The following MEOX2 variants were observed in gnomAD, a reference collection of about 807,000 sequenced individuals.
MEOX2 encodes the protein mesenchyme homeobox 2.
MEOX2 carries 11 observed loss-of-function variants against 27.0 expected under a neutral mutation model. The observed-to-expected ratio is 0.41, with a 90% CI of 0.26 to 0.68. The LOEUF is 0.68. Among genes scored for constraint, MEOX2 ranks in the 30% least tolerant of loss-of-function variants. The pLI, the probability that MEOX2 is intolerant of heterozygous loss-of-function variation, is 0.33. For synonymous variants in MEOX2, 189 were observed against 155.4 expected (o/e 1.22, Z -1.61); for missense variants, 436 against 385.4 (o/e 1.13, Z -1.10).
In MEOX2 at chr7:15,612,279, A is replaced by T; in HGVS notation, c.*108T>A. On this transcript the variant is annotated 3_prime_UTR_variant, in exon 3 of 3. Coordinates refer to ENST00000262041, the MANE Select transcript of MEOX2 (RefSeq NM_005924.5). ...CAGATTCGAAATGCCTGGATTTAAT[A>T]ATATTAAACATCACTGCCATAGTCA... The T allele has an allele frequency of 1.1e-6, 1 of 879,366 alleles. No homozygotes were observed. Among genetic ancestry groups the T allele is most frequent in the East Asian group, 2.5e-5 (1 of 40,236 alleles). 54.5% of individuals were successfully genotyped at this position (879,366 alleles called of 1,614,324 possible). A position where few individuals can be genotyped will look rare whatever the true frequency, so the allele number is the denominator to read the frequency against.
intron 1 of MEOX2, chr7:15,682,114 G>A (rs1037605930): frequency 6.6e-6 from 1 of 151,510 alleles, no homozygotes; most frequent in Admixed American, 6.6e-5. Context: ...TAGTCTACCA[G>A]TCCAAGATAA....
intron 2 of MEOX2, among the ~76,000 whole-genome samples, chr7:15,620,562 A>G (rs1007061334): frequency 6.6e-6 from 1 of 152,066 alleles, no homozygotes; most frequent in Non-Finnish European, 1.5e-5. Context: ...GACAAACAAC[A>G]ACAACAACAA....
At chr7:15,671,796 C>A (rs915520396) in intron 1 of MEOX2, among the ~76,000 whole-genome samples, 4 of 152,102 alleles carry the variant, frequency 2.6e-5, no homozygotes, top group Non-Finnish European at 4.4e-5. Flanking sequence ...ATGGCTCACA[C>A]CTGTAATCCC....
intron 1 of MEOX2, among the ~76,000 whole-genome samples, chr7:15,641,643 G>T (rs967634299): frequency 2.6e-5 from 4 of 152,206 alleles, no homozygotes; most frequent in Non-Finnish European, 5.9e-5. Flanking sequence ...GGGAGGTTTT[G>T]TTCCTCTAAT....
chr7:15,678,703 A>T (rs1189171364), intron 1 of MEOX2, among the ~76,000 whole-genome samples: 3 of 152,202 alleles, frequency 2.0e-5, no homozygotes, highest in Non-Finnish European at 4.4e-5. Context: ...ACTTTGCAAA[A>T]ATAAGTTTTC....
At chr7:15,626,398 A>G (rs1182320092) in intron 2 of MEOX2, among the ~76,000 whole-genome samples, 1 of 152,100 alleles carries the variant, frequency 6.6e-6, no homozygotes, top group Non-Finnish European at 1.5e-5. Context: ...TGGGTTTACC[A>G]ACTTTCTAAT....
chr7:15,620,327 C>G (rs576221257), intron 2 of MEOX2, among the ~76,000 whole-genome samples: 15 of 152,230 alleles, frequency 9.9e-5, no homozygotes, highest in African/African-American at 3.6e-4. Flanking sequence ...GACAATAAGT[C>G]AACTCATGGA....
intron 2 of MEOX2, among the ~76,000 whole-genome samples, chr7:15,615,776 G>A (rs1476534151): frequency 6.6e-6 from 1 of 151,928 alleles, no homozygotes; most frequent in Non-Finnish European, 1.5e-5. Context: ...ATTCCAGATG[G>A]AAGAAATACA....
chr7:15,619,070 C>G (rs1781172249), intron 2 of MEOX2, among the ~76,000 whole-genome samples: 1 of 151,740 alleles, frequency 6.6e-6, no homozygotes, highest in Non-Finnish European at 1.5e-5. Flanking sequence ...AGAAAATTGT[C>G]AGTTCTCTTA....
Position 15,686,421 on chromosome 7 carries a change from TC to T in MEOX2, c.-20del. 1 of 1,553,760 alleles carries T rather than the reference TC, an allele frequency of 6.4e-7. No homozygotes were observed. ...GTTCCATAGCATGCAAGTTTCGGGT[TC>T]CAGGCAGAAGACTTCACGGCGGTTC... is the stretch of plus-strand genomic sequence containing the variant. On this transcript the variant is annotated 5_prime_UTR_variant, in exon 1 of 3. Coordinates refer to ENST00000262041, the MANE Select transcript of MEOX2 (RefSeq NM_005924.5).
intron 1 of MEOX2, chr7:15,679,356 CA>C (rs1364768824): frequency 7.9e-5 from 12 of 151,962 alleles, no homozygotes; most frequent in Non-Finnish European, 1.8e-4. Context: ...ACAATAAAAA[CA>C]AAAAACTATG....
At chr7:15,670,260 A>G (rs1455320969) in intron 1 of MEOX2, among the ~76,000 whole-genome samples, 2 of 152,208 alleles carry the variant, frequency 1.3e-5, no homozygotes, top group Admixed American at 6.5e-5. Context: ...AAAACAATGA[A>G]TGCATTTTAT....
chr7:15,664,982 G>C (rs775934870), intron 1 of MEOX2, among the ~76,000 whole-genome samples: 3 of 150,448 alleles, frequency 2.0e-5, no homozygotes, highest in Non-Finnish European at 4.4e-5. Flanking sequence ...ATAGTGATTT[G>C]TTTATTTCAG....
At chr7:15,627,012 G>A (rs1181154590) in intron 1 of MEOX2, 94 bp from the exon 2 acceptor site, 1 of 1,249,544 alleles carries the variant, frequency 8.0e-7, no homozygotes, top group Non-Finnish European at 1.1e-6. Context: ...ACTTTTCCAG[G>A]TACTGCGCTA....
chr7:15,665,442 C>A (rs1781985629), intron 1 of MEOX2, among the ~76,000 whole-genome samples: 2 of 152,080 alleles, frequency 1.3e-5, no homozygotes, highest in Admixed American at 1.3e-4. Context: ...AACTCCAGAT[C>A]CTGAAGTAGT....
At position 15,668,856 on chromosome 7, in the gene MEOX2, T is replaced by C. The variant is rs114732221; in HGVS notation, c.517+17030A>G. ...GGGATCTGCACCCCTAACTTCCACA[T>C]TATTCAAGGGTCAACTCTACTGCAG... is the stretch of plus-strand genomic sequence containing the variant. On this transcript the variant is annotated intron_variant, in intron 1 of 2. Coordinates refer to ENST00000262041, the MANE Select transcript of MEOX2 (RefSeq NM_005924.5). 3.5e-3 allele frequency among the ~76,000 whole-genome samples: 529 copies of C among 152,258 alleles called. 2 individuals are homozygous for C. The highest frequency in any genetic ancestry group is 0.012 in the African/African-American group (509 of 41,550).
At chr7:15,642,395 G>A (rs1781576487) in intron 1 of MEOX2, among the ~76,000 whole-genome samples, 1 of 151,876 alleles carries the variant, frequency 6.6e-6, no homozygotes, top group Non-Finnish European at 1.5e-5. Flanking sequence ...TTTTCTGTTT[G>A]TTCTACTCTA....
intron 1 of MEOX2, among the ~76,000 whole-genome samples, chr7:15,661,840 G>T (rs1378809094): frequency 6.6e-6 from 1 of 152,166 alleles, no homozygotes; most frequent in Non-Finnish European, 1.5e-5. Context: ...AAATTATTCA[G>T]TAACAGATAA....
At chr7:15,648,129 A>C (rs1315254384) in intron 1 of MEOX2, among the ~76,000 whole-genome samples, 1 of 152,084 alleles carries the variant, frequency 6.6e-6, no homozygotes, top group African/African-American at 2.4e-5. Context: ...ATTTAAAAAA[A>C]ATCAAAAATA....
Sources: gnomAD v4.1 joint callset for allele counts (sites outside exome capture counted in the v4.1 genomes callset) on GRCh38, gnomAD v4.1.1 for gene constraint, MANE v1.5 for transcripts, NCBI Gene and HGNC (gene_info 2026-07-23, HGNC 2026-07-21) for gene names.